The following ARK2C variants were observed in gnomAD, a reference collection of about 807,000 sequenced individuals.
ARK2C encodes the protein E3 ubiquitin-protein ligase ARK2C.
the ARK2C span, among the ~76,000 whole-genome samples, chr18:46,426,132 C>G: frequency 6.6e-6 from 1 of 152,264 alleles, no homozygotes; most frequent in African/African-American, 2.4e-5. Flanking sequence ...GGGGTGACAC[C>G]AACATTCAGA....
chr18:46,387,752 C>T, the ARK2C span, among the ~76,000 whole-genome samples: 19,321 of 152,290 alleles, frequency 0.13, 1,327 homozygotes, highest in Non-Finnish European at 0.15. Context: ...TCTTCATCAT[C>T]GAGGACTGCT....
the ARK2C span, among the ~76,000 whole-genome samples, chr18:46,375,644 G>C: frequency 6.6e-6 from 1 of 151,902 alleles, no homozygotes; most frequent in East Asian, 1.9e-4. Flanking sequence ...GAATTGCGCC[G>C]TTATATGAGC....
chr18:46,381,234 C>A, the ARK2C span, among the ~76,000 whole-genome samples: 2 of 152,268 alleles, frequency 1.3e-5, no homozygotes. Context: ...TGGCCAAAGC[C>A]TGATTTCCAT....
At chr18:46,422,334 C>A in the ARK2C span, among the ~76,000 whole-genome samples, 12 of 152,178 alleles carry the variant, frequency 7.9e-5, no homozygotes, top group African/African-American at 2.9e-4. Flanking sequence ...GGTGCATTAC[C>A]TAGTTGCATG....
chr18:46,345,085 GGCAGGGGTGCCTGGGAT>G, the ARK2C span, among the ~76,000 whole-genome samples: 10 of 152,080 alleles, frequency 6.6e-5, no homozygotes, highest in Non-Finnish European at 1.2e-4. Context: ...GCTGCTTCGG[GGCAGGGGTGCCTGGGAT>G]GCAGGGGTGC....
At chr18:46,337,622 C>G in the ARK2C span, 30 of 983,384 alleles carry the variant, frequency 3.1e-5, no homozygotes, top group Non-Finnish European at 3.6e-5. Context: ...TATACAATCT[C>G]TCAATAAAGA....
At chr18:46,441,629 C>A in the ARK2C span, among the ~76,000 whole-genome samples, 10 of 152,144 alleles carry the variant, frequency 6.6e-5, no homozygotes, top group African/African-American at 2.4e-4. Context: ...TGGCTCATGC[C>A]TGTAATCCCA....
At chr18:46,378,246 C>A in the ARK2C span, among the ~76,000 whole-genome samples, 1 of 152,200 alleles carries the variant, frequency 6.6e-6, no homozygotes, top group African/African-American at 2.4e-5. Flanking sequence ...CCTGCACATG[C>A]CCTTGCGTGC....
chr18:46,395,601 T>A, the ARK2C span, among the ~76,000 whole-genome samples: 1 of 152,180 alleles, frequency 6.6e-6, no homozygotes, highest in African/African-American at 2.4e-5. Context: ...GACTCAAACC[T>A]GAGTCTGTAT....
chr18:46,353,857 G>T, the ARK2C span, among the ~76,000 whole-genome samples: 5 of 152,216 alleles, frequency 3.3e-5, no homozygotes, highest in Non-Finnish European at 7.3e-5. Context: ...GCGGGGCCTT[G>T]TGGTGGGGTG....
the ARK2C span, among the ~76,000 whole-genome samples, chr18:46,424,790 G>C: frequency 2.6e-5 from 4 of 152,250 alleles, no homozygotes; most frequent in Non-Finnish European, 5.9e-5. Flanking sequence ...GTGAGGGGAA[G>C]TGCCCTGGCC....
chr18:46,457,292 T>C, the ARK2C span: 1 of 152,564 alleles, frequency 6.6e-6, no homozygotes, highest in Non-Finnish European at 1.5e-5. Flanking sequence ...GATTTTGTTT[T>C]TCACCCAATT....
At chr18:46,390,308 C>G in the ARK2C span, among the ~76,000 whole-genome samples, 1 of 152,218 alleles carries the variant, frequency 6.6e-6, no homozygotes, top group African/African-American at 2.4e-5. Context: ...CCCAACATCT[C>G]CAGACCCTGT....
the ARK2C span, among the ~76,000 whole-genome samples, chr18:46,384,103 A>G: frequency 6.6e-6 from 1 of 152,236 alleles, no homozygotes; most frequent in Non-Finnish European, 1.5e-5. Flanking sequence ...CAGAGAGCTC[A>G]ACACAGAGAT....
the ARK2C span, among the ~76,000 whole-genome samples, chr18:46,432,937 T>C: frequency 1.3e-5 from 2 of 152,042 alleles, no homozygotes; most frequent in African/African-American, 4.8e-5. Context: ...AGAGCGAGAC[T>C]CCGTCTCAAA....
chr18:46,374,549 A>G, the ARK2C span, among the ~76,000 whole-genome samples: 4 of 152,202 alleles, frequency 2.6e-5, no homozygotes, highest in African/African-American at 9.7e-5. Context: ...TTCATTCAGG[A>G]GAACGTCTTC....
chr18:46,368,307 G>A, the ARK2C span, among the ~76,000 whole-genome samples: 3 of 152,194 alleles, frequency 2.0e-5, no homozygotes, highest in African/African-American at 7.2e-5. Flanking sequence ...AATAAAATAT[G>A]TTGGTTTAAG....
the ARK2C span, among the ~76,000 whole-genome samples, chr18:46,344,869 T>TC: frequency 6.6e-6 from 1 of 152,338 alleles, no homozygotes; most frequent in South Asian, 2.1e-4. Context: ...GAGCCTTGGC[T>TC]TGGTTCTGTC....
the ARK2C span, among the ~76,000 whole-genome samples, chr18:46,351,775 C>T: frequency 6.6e-6 from 1 of 152,184 alleles, no homozygotes; most frequent in South Asian, 2.1e-4. Context: ...CAAGCTCATG[C>T]TCTTTCCATG....
Sources: gnomAD v4.1 joint callset for allele counts (sites outside exome capture counted in the v4.1 genomes callset) on GRCh38, gnomAD v4.1.1 for gene constraint, MANE v1.5 for transcripts, NCBI Gene and HGNC (gene_info 2026-07-23, HGNC 2026-07-21) for gene names.